Variants in TMEM150C observed in about 807,000 individuals in gnomAD.
TMEM150C encodes transmembrane protein 150C, also known as tentonin 3.
Under a neutral mutation model 29.9 loss-of-function variants are expected in TMEM150C, and 10 were observed. That is an observed-to-expected ratio of 0.33 (90% CI 0.21 to 0.57). The LOEUF is 0.57. Among genes scored for constraint, TMEM150C ranks in the 20% least tolerant of loss-of-function variants. The pLI is 0.88. For synonymous variants in TMEM150C, 101 were observed against 112.5 expected, an observed-to-expected ratio of 0.90 and a Z score of 0.64; for missense variants, 251 against 303.6, an observed-to-expected ratio of 0.83 and a Z score of 1.29.
At chr4:82,504,904 C>T (rs1311716559) in intron 1 of TMEM150C, among the ~76,000 whole-genome samples, 2 of 152,138 alleles carry the variant, frequency 1.3e-5, no homozygotes, top group Non-Finnish European at 2.9e-5. Flanking sequence ...GTGGCGGGCG[C>T]CTGTAGTCCC....
At chr4:82,549,283 A>G (rs1443830035) in intron 1 of TMEM150C, among the ~76,000 whole-genome samples, 1 of 152,212 alleles carries the variant, frequency 6.6e-6, no homozygotes, top group Non-Finnish European at 1.5e-5. Context: ...TTCAGCCTTA[A>G]AAAGGAAGGA....
At chr4:82,493,412 A>G in intron 6 of TMEM150C, among the ~76,000 whole-genome samples, 1 of 152,216 alleles carries the variant, frequency 6.6e-6, no homozygotes. Flanking sequence ...TAAAAAAATT[A>G]TAATGAGGGA....
intron 5 of TMEM150C, among the ~76,000 whole-genome samples, chr4:82,496,890 G>A (rs1479892773): frequency 6.6e-6 from 1 of 152,202 alleles, no homozygotes; most frequent in Non-Finnish European, 1.5e-5. Flanking sequence ...TTAGAGAAGT[G>A]ACAATATTCA....
chr4:82,524,129 G>T (rs561251850), intron 1 of TMEM150C, among the ~76,000 whole-genome samples: 2 of 151,270 alleles, frequency 1.3e-5, no homozygotes, highest in South Asian at 2.1e-4. Flanking sequence ...TTAGCAGGGC[G>T]TGGTGGTGGG....
intron 5 of TMEM150C, among the ~76,000 whole-genome samples, chr4:82,502,005 C>G (rs1723751971): frequency 6.6e-6 from 1 of 152,126 alleles, no homozygotes; most frequent in Admixed American, 6.5e-5. Context: ...CCAGTTGACT[C>G]TTGGAGAGAC....
chr4:82,486,080 A>G (rs1390373557), intron 7 of TMEM150C, among the ~76,000 whole-genome samples: 1 of 152,142 alleles, frequency 6.6e-6, no homozygotes, highest in Non-Finnish European at 1.5e-5. Flanking sequence ...CCAAATGGGT[A>G]AGTAACTTGC....
rs1475825479 is a variant in TMEM150C, at chr4:82,561,888, AG to A, written c.-11+17del. 2 of 990,902 alleles carry A rather than the reference AG, an allele frequency of 2.0e-6. No homozygotes were observed. The highest frequency in any genetic ancestry group is 2.4e-6 in the Non-Finnish European group (2 of 833,746). The allele number at this position is 990,902 out of a possible 1,614,324, so 61.4% of individuals were successfully genotyped here. A position where few individuals can be genotyped will look rare whatever the true frequency, so the allele number is the denominator to read the frequency against. On this transcript the variant is annotated intron_variant, in intron 1 of 7. Coordinates refer to ENST00000449862, the MANE Select transcript of TMEM150C (RefSeq NM_001080506.3). The stretch of plus-strand genomic sequence containing the variant: ...GCTGCGCGACGGGCCCAGGCAGGGG[AG>A]GGGGCGCCGCGCCTACCTGCTCTGG...
intron 6 of TMEM150C, chr4:82,495,223 G>A (rs1256527428): frequency 1.7e-5 from 5 of 292,480 alleles, no homozygotes; most frequent in South Asian, 4.3e-5. Context: ...CGGGCAGATC[G>A]CGAGGTCAGG....
intron 1 of TMEM150C, among the ~76,000 whole-genome samples, chr4:82,520,910 C>T (rs1167159688): frequency 6.6e-6 from 1 of 152,142 alleles, no homozygotes; most frequent in Non-Finnish European, 1.5e-5. Flanking sequence ...CAAAAACTGG[C>T]TAAGCCCCTA....
chr4:82,505,813 C>G (rs1723901226), intron 1 of TMEM150C, among the ~76,000 whole-genome samples: 1 of 152,098 alleles, frequency 6.6e-6, no homozygotes, highest in African/African-American at 2.4e-5. Flanking sequence ...GAAGTGAAAA[C>G]TAGAAGCTCC....
intron 1 of TMEM150C, among the ~76,000 whole-genome samples, chr4:82,554,818 C>T (rs1725690360): frequency 6.6e-6 from 1 of 152,168 alleles, no homozygotes; most frequent in Non-Finnish European, 1.5e-5. Flanking sequence ...AAGTATTACC[C>T]CACTTTCAAT....
At chr4:82,507,723 C>T (rs1399836376) in intron 1 of TMEM150C, among the ~76,000 whole-genome samples, 17 of 86,044 alleles carry the variant, frequency 2.0e-4, no homozygotes, top group African/African-American at 5.4e-4. Flanking sequence ...CTCTCTCTCT[C>T]TCTCTTTTTT....
intron 7 of TMEM150C, among the ~76,000 whole-genome samples, chr4:82,488,679 T>C (rs974562242): frequency 3.9e-5 from 6 of 152,174 alleles, no homozygotes; most frequent in Non-Finnish European, 8.8e-5. Context: ...AGTGGCATGA[T>C]CACAACTCAC....
intron 1 of TMEM150C, among the ~76,000 whole-genome samples, chr4:82,540,148 T>G (rs1725156270): frequency 3.1e-5 from 3 of 96,806 alleles, no homozygotes; most frequent in Non-Finnish European, 5.6e-5. Flanking sequence ...TTTTTTTTTT[T>G]TTTTTGAGAC....
rs201423491 is a variant in TMEM150C at position 82,496,168 on chromosome 4, A to G, written c.263T>C (p.Ile88Thr). Residue 88 changes from isoleucine (I) to threonine (T), a missense_variant, in exon 6 of 8, where the codon ATA (isoleucine) becomes ACA (threonine). Physicochemically the swap from Ile to Thr is moderately conservative, Grantham distance 89 (BLOSUM62 -1). Transcript: ENST00000449862. ...GTTTAAAACCTTCGGTTTCAGTTGT[A>G]TGAAGCGCAGAACAGCTACCACAAG... ...LALVVAVLRF[I>T]QLKPKVLNPW... is the part of the protein sequence containing the mutation. 9.6e-5 allele frequency: 155 copies of G among 1,613,864 alleles called. No homozygotes were observed. Among genetic ancestry groups the G allele is most frequent in the Non-Finnish European group, 1.3e-4 (151 of 1,179,874 alleles).
chr4:82,503,586 C>G (rs913884531), intron 2 of TMEM150C, among the ~76,000 whole-genome samples: 6 of 152,204 alleles, frequency 3.9e-5, no homozygotes, highest in African/African-American at 1.4e-4. Context: ...CGCAGTGGCT[C>G]ACGCCTGTAA....
At chr4:82,506,680 A>G (rs1723932535) in intron 1 of TMEM150C, among the ~76,000 whole-genome samples, 1 of 152,244 alleles carries the variant, frequency 6.6e-6, no homozygotes. Flanking sequence ...TCTAGTTTAT[A>G]TAATACGGAA....
intron 1 of TMEM150C, among the ~76,000 whole-genome samples, chr4:82,534,466 C>T (rs1724945553): frequency 6.6e-6 from 1 of 152,140 alleles, no homozygotes; most frequent in Non-Finnish European, 1.5e-5. Context: ...AAGCCATTTA[C>T]AATGTGCAAG....
intron 7 of TMEM150C, among the ~76,000 whole-genome samples, chr4:82,486,073 A>C (rs1242196278): frequency 1.3e-5 from 2 of 152,104 alleles, no homozygotes; most frequent in African/African-American, 4.8e-5. Context: ...ACTGAGACCA[A>C]ATGGGTAAGT....
Sources: allele counts gnomAD v4.1 joint callset (sites outside exome capture counted in the v4.1 genomes callset), GRCh38; gene constraint gnomAD v4.1.1; transcripts MANE v1.5; gene names NCBI Gene and HGNC (gene_info 2026-07-23, HGNC 2026-07-21).